The following ARMC2 variants were observed in gnomAD, a reference collection of about 807,000 sequenced individuals.
ARMC2 encodes the protein armadillo repeat-containing protein 2.
ARMC2 carries 67 observed loss-of-function variants against 90.3 expected under a neutral mutation model. That is an observed-to-expected ratio of 0.74 (90% CI 0.61 to 0.91). The LOEUF is 0.91. Ranked by LOEUF, ARMC2 falls within the 40% of genes least tolerant of loss-of-function variation. The pLI is 0.00. For missense variants in ARMC2, 920 were observed against 1,030.9 expected (o/e 0.89, Z 1.47); for synonymous variants, 393 against 393.0 (o/e 1.00, Z 0.00).
intron 5 of ARMC2, among the ~76,000 whole-genome samples, chr6:108,878,319 G>T (rs564515218): frequency 1.3e-5 from 2 of 152,206 alleles, no homozygotes; most frequent in Middle Eastern, 3.4e-3. Flanking sequence ...AGTGGCAATT[G>T]TCAGTGAGCT....
chr6:108,974,725 C>T (rs1403890139), downstream of ARMC2, among the ~76,000 whole-genome samples: 1 of 151,964 alleles, frequency 6.6e-6, no homozygotes, highest in Non-Finnish European at 1.5e-5. Context: ...TACAAAACAC[C>T]AAGACTCATG....
At chr6:108,941,480 C>T (rs1193679363) in intron 12 of ARMC2, among the ~76,000 whole-genome samples, 2 of 152,184 alleles carry the variant, frequency 1.3e-5, no homozygotes, top group Non-Finnish European at 2.9e-5. Context: ...CATGCCAGGG[C>T]ATTGTTTAAT....
chr6:108,979,693 T>C, the ARMC2 span, among the ~76,000 whole-genome samples: 1 of 151,980 alleles, frequency 6.6e-6, no homozygotes, highest in Non-Finnish European at 1.5e-5. Context: ...GTTCGTTTCT[T>C]TTCATTCTTT....
chr6:108,986,652 T>TG, the ARMC2 span: 2 of 152,480 alleles, frequency 1.3e-5, no homozygotes, highest in African/African-American at 4.8e-5. Context: ...GCCTTTAAAG[T>TG]GGGGACCAGG....
chr6:108,908,904 T>C (rs1357062131), intron 8 of ARMC2, among the ~76,000 whole-genome samples: 2 of 151,748 alleles, frequency 1.3e-5, no homozygotes, highest in Non-Finnish European at 2.9e-5. Context: ...ACCCTGTCTC[T>C]ACTAAAAATG....
chr6:109,014,688 G>A, the ARMC2 span, among the ~76,000 whole-genome samples: 1 of 152,136 alleles, frequency 6.6e-6, no homozygotes, highest in Admixed American at 6.5e-5. Flanking sequence ...TGGGCTTTGA[G>A]AGCTTCTCTC....
At chr6:108,985,172 T>G in the ARMC2 span, among the ~76,000 whole-genome samples, 1 of 152,220 alleles carries the variant, frequency 6.6e-6, no homozygotes, top group Admixed American at 6.5e-5. Flanking sequence ...AAAGTGCTTA[T>G]CCAACAAGTT....
chr6:109,007,370 A>G, the ARMC2 span, among the ~76,000 whole-genome samples: 1 of 152,234 alleles, frequency 6.6e-6, no homozygotes, highest in Non-Finnish European at 1.5e-5. Context: ...CAAGTGCAAA[A>G]TGAAAGCATT....
Position 108,929,048 on chromosome 6 carries a change from T to C in ARMC2, c.1496+815T>C, listed in dbSNP as rs144367992. ...AGGTTTGTTACGTGGGTAAATTGTA[T>C]GACGTGGAGGCTTGGGGTCTCGACA... On this transcript the variant is annotated intron_variant, in intron 11 of 17. Coordinates refer to ENST00000392644, the MANE Select transcript of ARMC2 (RefSeq NM_032131.6). Among the ~76,000 whole-genome samples, 30 of 152,276 alleles carry C rather than the reference T, an allele frequency of 2.0e-4. 1 individual carries two copies. The highest frequency in any genetic ancestry group is 7.2e-4 in the African/African-American group (30 of 41,550).
intron 10 of ARMC2, among the ~76,000 whole-genome samples, chr6:108,918,785 T>C (rs919048106): frequency 6.6e-6 from 1 of 152,224 alleles, no homozygotes; most frequent in African/African-American, 2.4e-5. Flanking sequence ...GGAAATGAAA[T>C]GAGATCGTCT....
downstream of ARMC2, among the ~76,000 whole-genome samples, chr6:108,976,985 A>G (rs186679100): frequency 1.3e-4 from 20 of 152,238 alleles, no homozygotes; most frequent in African/African-American, 4.6e-4. Flanking sequence ...CTAACTGAAT[A>G]CCCTTTATTT....
the ARMC2 span, among the ~76,000 whole-genome samples, chr6:109,019,204 AACACACACACAG>A: frequency 6.6e-6 from 1 of 151,916 alleles, no homozygotes; most frequent in Non-Finnish European, 1.5e-5. Flanking sequence ...CACACACACA[AACACACACACAG>A]ACACACACCC....
At chr6:109,050,623 T>G in the ARMC2 span, among the ~76,000 whole-genome samples, 5 of 152,142 alleles carry the variant, frequency 3.3e-5, no homozygotes, top group African/African-American at 1.2e-4. Context: ...TCTATACAAA[T>G]GGGCAGGCAG....
At chr6:108,848,994 A>T (rs1443590626) in intron 1 of ARMC2, among the ~76,000 whole-genome samples, 1 of 152,196 alleles carries the variant, frequency 6.6e-6, no homozygotes, top group East Asian at 1.9e-4. Context: ...CTTAATAAGA[A>T]GCCCAGTAAT....
intron 10 of ARMC2, 86 bp downstream of exon 10, chr6:108,912,644 G>A (rs1773554569): frequency 8.0e-7 from 1 of 1,248,082 alleles, no homozygotes; most frequent in African/African-American, 1.5e-5. Context: ...GCATGCAAGA[G>A]GCCCCTACAG....
chr6:108,879,357 A>T (rs1582993158), intron 5 of ARMC2, among the ~76,000 whole-genome samples: 1 of 150,280 alleles, frequency 6.7e-6, no homozygotes, highest in Non-Finnish European at 1.5e-5. Flanking sequence ...TGCAGCTAGC[A>T]CCTACCCATC....
intron 5 of ARMC2, 76 bp downstream of exon 5, chr6:108,876,426 A>G: frequency 6.9e-7 from 1 of 1,445,640 alleles, no homozygotes; most frequent in Non-Finnish European, 9.4e-7. Context: ...TTTTATATAG[A>G]TGATTGGTTT....
chr6:108,933,911 G>T (rs1457095279), intron 11 of ARMC2, among the ~76,000 whole-genome samples: 1 of 152,274 alleles, frequency 6.6e-6, no homozygotes, highest in East Asian at 1.9e-4. Flanking sequence ...GCCCAGGCTG[G>T]AGTGCAGTGG....
At chr6:108,881,589 G>A (rs1328124635) in intron 5 of ARMC2, among the ~76,000 whole-genome samples, 1 of 152,174 alleles carries the variant, frequency 6.6e-6, no homozygotes, top group Non-Finnish European at 1.5e-5. Flanking sequence ...GGCTGCGGGA[G>A]CAGGGAGTAT....
Sources: allele counts gnomAD v4.1 joint callset (sites outside exome capture counted in the v4.1 genomes callset), GRCh38; gene constraint gnomAD v4.1.1; transcripts MANE v1.5; gene names NCBI Gene and HGNC (gene_info 2026-07-23, HGNC 2026-07-21).